PLEKHF2: variants seen among roughly 807,000 people sequenced by gnomAD.
PLEKHF2 encodes the protein pleckstrin homology domain-containing family F member 2.
In PLEKHF2, 4 loss-of-function variants were observed where a neutral mutation model predicts 14.7. The ratio of observed to expected loss-of-function variants is 0.27; its 90% CI spans 0.13 to 0.62. PLEKHF2 has a LOEUF of 0.62. PLEKHF2 is among the 20% of genes least tolerant of loss of function. PLEKHF2 has a pLI of 0.85. For missense variants in PLEKHF2, 201 were observed against 307.7 expected (o/e 0.65, Z 2.60); for synonymous variants, 90 against 103.5 (o/e 0.87, Z 0.79).
At position 95,134,898 on chromosome 8, in the gene PLEKHF2, T is replaced by G. The variant is rs566764785; in HGVS notation, c.-15+868T>G. Reference sequence around the variant, plus strand: ...GATTTAGACAGAAACTTTGAGAGTCTTAAAGGCATGTGTTCTCTTAAGAAT... The same window carrying G: ...GATTTAGACAGAAACTTTGAGAGTCGTAAAGGCATGTGTTCTCTTAAGAAT... On this transcript the variant is annotated intron_variant, in intron 1 of 1. Coordinates refer to ENST00000315367, the MANE Select transcript of PLEKHF2 (RefSeq NM_024613.4). Among the ~76,000 whole-genome samples, 129 of 152,358 alleles carry G rather than the reference T, an allele frequency of 8.5e-4. 1 individual carries two copies. In the South Asian group the frequency reaches 0.026, roughly 31 times the overall value.
At chr8:95,142,734 ATC>A (rs1810452282) in intron 1 of PLEKHF2, among the ~76,000 whole-genome samples, 1 of 152,204 alleles carries the variant, frequency 6.6e-6, no homozygotes, top group Non-Finnish European at 1.5e-5. Context: ...GGAGAAAGAA[ATC>A]ATTTATATAT....
chr8:95,151,552 T>A (rs1481836884), intron 1 of PLEKHF2, among the ~76,000 whole-genome samples: 1 of 149,752 alleles, frequency 6.7e-6, no homozygotes, highest in Non-Finnish European at 1.5e-5. Context: ...CTTTTAAAAA[T>A]CACTTTAAAA....
In PLEKHF2 at chr8:95,147,834, T is replaced by C. The variant is rs192824685; in HGVS notation, c.-14-6197T>C. On this transcript the variant is annotated intron_variant, in intron 1 of 1. Coordinates refer to ENST00000315367, the MANE Select transcript of PLEKHF2 (RefSeq NM_024613.4). ...ATTTAACATATTTGGGAATTCATAT[T>C]TTTTCATTTTTTATTTTCTGTCTTT... 3.5e-3 allele frequency among the ~76,000 whole-genome samples: 540 copies of C among 152,140 alleles called. 3 individuals carry two copies. The highest frequency in any genetic ancestry group is 0.013 in the African/African-American group (523 of 41,564).
intron 1 of PLEKHF2, among the ~76,000 whole-genome samples, chr8:95,137,063 C>T (rs1490278498): frequency 6.6e-6 from 1 of 152,226 alleles, no homozygotes; most frequent in African/African-American, 2.4e-5. Flanking sequence ...GGAAAGAAAG[C>T]AAGTTGCATG....
Position 95,154,631 on chromosome 8 carries a change from A to T in PLEKHF2, c.587A>T (p.Gln196Leu). The change falls in exon 2 of 2, where the codon CAG (glutamine) becomes CTG (leucine). Residue 196 changes from glutamine (Q) to leucine (L), a missense_variant. Transcript: ENST00000315367. The surrounding 1 kb of genome is among the most constrained non-coding windows in gnomAD (Gnocchi z 5.6). ...GAAAAGAGATTTCTTCTTCCCAGCCAGTCCTCTAAGCCTGTGCGGATTTGT... is the reference window on the plus strand; with the variant it reads ...GAAAAGAGATTTCTTCTTCCCAGCCTGTCCTCTAAGCCTGTGCGGATTTGT... Reference protein sequence around the residue: ...CSEKRFLLPSQSSKPVRICDF... With the variant: ...CSEKRFLLPSLSSKPVRICDF... 6.2e-7 allele frequency: 1 copy of T among 1,614,138 alleles called. No individual in the cohort carries two copies. Among genetic ancestry groups the T allele is most frequent in the Non-Finnish European group, 8.5e-7 (1 of 1,179,998 alleles).
intron 1 of PLEKHF2, among the ~76,000 whole-genome samples, chr8:95,137,772 C>G (rs1051570094): frequency 3.3e-5 from 5 of 152,188 alleles, no homozygotes; most frequent in Non-Finnish European, 7.3e-5. Flanking sequence ...TCCGGTGACC[C>G]CCACTGCTAC....
At chr8:95,139,708 ACACCCCCTC>A (rs1810419832) in intron 1 of PLEKHF2, among the ~76,000 whole-genome samples, 1 of 152,050 alleles carries the variant, frequency 6.6e-6, no homozygotes, top group African/African-American at 2.4e-5. Context: ...TTTATGTGCC[ACACCCCCTC>A]CACCCCCTTT....
At chr8:95,153,065 G>A (rs909233408) in intron 1 of PLEKHF2, among the ~76,000 whole-genome samples, 4 of 152,114 alleles carry the variant, frequency 2.6e-5, no homozygotes, top group African/African-American at 9.7e-5. Context: ...TACCTTTTCT[G>A]TGTCAAACCG....
chr8:95,152,889 T>C lies in PLEKHF2; in HGVS notation c.-14-1142T>C, dbSNP rs115370776. 4.8e-3 allele frequency among the ~76,000 whole-genome samples: 736 copies of C among 152,236 alleles called. 12 individuals carry two copies. Among genetic ancestry groups the C allele is most frequent in the African/African-American group, 0.017 (688 of 41,538 alleles). ...TAAATGGTCTTCTTCTCAAGGCTTG[T>C]TGTTCTTTAATATGACTTGGTTATA... On this transcript the variant is annotated intron_variant, in intron 1 of 1. Coordinates refer to ENST00000315367, the MANE Select transcript of PLEKHF2 (RefSeq NM_024613.4).
chr8:95,156,443 T>G lies in PLEKHF2; in HGVS notation c.*1649T>G, dbSNP rs183636523. 10 of 167,132 alleles carry G rather than the reference T, an allele frequency of 6.0e-5. No homozygotes were observed. The highest frequency in any genetic ancestry group is 7.3e-5 in the Non-Finnish European group (5 of 68,082). 10.4% of individuals were successfully genotyped at this position (167,132 alleles called of 1,614,324 possible). On this transcript the variant is annotated 3_prime_UTR_variant, in exon 2 of 2. Transcript: ENST00000315367. ...AACTAGGGTTTTTTGTTCATTTGCT[T>G]GCTTTTATGATTTTTTTTGGTTTGT...
chr8:95,154,437 T>A lies in PLEKHF2; in HGVS notation c.393T>A (p.Thr131=), dbSNP rs1810592233. The A allele has an allele frequency of 1.2e-6, 2 of 1,613,948 alleles. No homozygotes were observed. The highest frequency in any genetic ancestry group is 1.6e-4 in the Middle Eastern group (1 of 6,084). Residue 131 remains threonine, a synonymous_variant, in exon 2 of 2, where the codon ACT becomes ACA. Coordinates refer to ENST00000315367, the MANE Select transcript of PLEKHF2 (RefSeq NM_024613.4). The surrounding 1 kb of genome is among the most constrained non-coding windows in gnomAD (Gnocchi z 5.6). ...EWMNHINKCV[T]DLLSKSGKTP... is the part of the protein sequence containing the mutation. ...TGAATCATATAAATAAATGTGTTAC[T>A]GATTTACTCTCCAAAAGTGGGAAGA...
At position 95,156,344 on chromosome 8, in the gene PLEKHF2, T is replaced by C. The variant is rs769186419; in HGVS notation, c.*1550T>C. ...TGTTTGGTTAAGGCACTAATTTTAC[T>C]TACCTATTAGATTTTGAAAGTATCT... On this transcript the variant is annotated 3_prime_UTR_variant, in exon 2 of 2. Coordinates refer to ENST00000315367, the MANE Select transcript of PLEKHF2 (RefSeq NM_024613.4). 1.2e-5 allele frequency: 2 copies of C among 166,980 alleles called. No individual in the cohort carries two copies. The highest frequency in any genetic ancestry group is 2.4e-5 in the African/African-American group (1 of 41,458). The allele number at this position is 166,980 out of a possible 1,614,324, so 10.3% of individuals were successfully genotyped here. A position where few individuals can be genotyped will look rare whatever the true frequency, so the allele number is the denominator to read the frequency against.
At chr8:95,145,196 T>G (rs1244022737) in intron 1 of PLEKHF2, among the ~76,000 whole-genome samples, 1 of 152,134 alleles carries the variant, frequency 6.6e-6, no homozygotes, top group African/African-American at 2.4e-5. Flanking sequence ...TTTTGAAGTT[T>G]CCATGTTTCT....
At chr8:95,143,199 G>A (rs956271635) in intron 1 of PLEKHF2, among the ~76,000 whole-genome samples, 2 of 150,400 alleles carry the variant, frequency 1.3e-5, no homozygotes, top group Non-Finnish European at 3.0e-5. Flanking sequence ...TCCTGGGTTC[G>A]CGCCATTCTC....
chr8:95,136,288 A>G (rs2132103544), intron 1 of PLEKHF2, among the ~76,000 whole-genome samples: 1 of 152,042 alleles, frequency 6.6e-6, no homozygotes, highest in East Asian at 1.9e-4. Flanking sequence ...TTCCCAATAC[A>G]TGCCATCAAC....
intron 1 of PLEKHF2, among the ~76,000 whole-genome samples, chr8:95,138,074 G>C (rs1810395558): frequency 1.3e-5 from 2 of 151,934 alleles, no homozygotes; most frequent in African/African-American, 4.8e-5. Flanking sequence ...GGGTGTAACT[G>C]GTCAGTTTTC....
rs975256719 is a variant in PLEKHF2, at chr8:95,154,809, G to A, written c.*15G>A. The A allele has an allele frequency of 3.1e-6, 5 of 1,609,336 alleles. No homozygotes were observed. Among genetic ancestry groups the A allele is most frequent in the Non-Finnish European group, 4.3e-6 (5 of 1,176,104 alleles). ...GCAGTGACTAAGGACACATTTGGGA[G>A]TATTTAATCAGGTGTGGCTATCTGA... On this transcript the variant is annotated 3_prime_UTR_variant, in exon 2 of 2. Coordinates refer to ENST00000315367, the MANE Select transcript of PLEKHF2 (RefSeq NM_024613.4). The surrounding 1 kb of genome is among the most constrained non-coding windows in gnomAD (Gnocchi z 5.6).
intron 1 of PLEKHF2, among the ~76,000 whole-genome samples, chr8:95,144,186 A>G (rs778787576): frequency 1.1e-4 from 17 of 152,166 alleles, no homozygotes; most frequent in Non-Finnish European, 2.2e-4. Flanking sequence ...GCTTGTTTAG[A>G]ACTTGAAGTC....
chr8:95,143,483 G>A (rs1428605846), intron 1 of PLEKHF2, among the ~76,000 whole-genome samples: 1 of 152,200 alleles, frequency 6.6e-6, no homozygotes, highest in Non-Finnish European at 1.5e-5. Flanking sequence ...TAGACTATAA[G>A]TGCTATAAAG....
Sources: gnomAD v4.1 joint callset for allele counts (sites outside exome capture counted in the v4.1 genomes callset) on GRCh38, gnomAD v4.1.1 for gene constraint, Gnocchi (gnomAD v3.1) non-coding constraint, MANE v1.5 for transcripts, NCBI Gene and HGNC (gene_info 2026-07-23, HGNC 2026-07-21) for gene names.